The following ZNF606 variants were observed in gnomAD, a reference collection of about 807,000 sequenced individuals.
ZNF606 encodes zinc finger protein 328.
A neutral mutation model predicts 74.9 loss-of-function variants in ZNF606; 37 were observed. The ratio of observed to expected loss-of-function variants is 0.49; its 90% CI spans 0.38 to 0.65. ZNF606 has a LOEUF of 0.65. Ranked by LOEUF, ZNF606 falls within the 30% of genes least tolerant of loss-of-function variation. The pLI, the probability that ZNF606 is intolerant of heterozygous loss-of-function variation, is 0.00. For synonymous variants in ZNF606, 328 were observed against 312.4 expected (o/e 1.05, Z -0.53); for missense variants, 852 against 952.9 (o/e 0.89, Z 1.39).
chr19:57,995,991 G>A (rs903157104), intron 4 of ZNF606, among the ~76,000 whole-genome samples: 2 of 152,210 alleles, frequency 1.3e-5, no homozygotes, highest in Non-Finnish European at 2.9e-5. Context: ...ATTGTTCACT[G>A]ATGGTGATGC....
At chr19:57,992,402 G>A (rs1308033051) in intron 4 of ZNF606, among the ~76,000 whole-genome samples, 2 of 152,144 alleles carry the variant, frequency 1.3e-5, no homozygotes, top group East Asian at 3.9e-4. Context: ...AATCTACTCA[G>A]GCCTCTAGTC....
At chr19:57,995,862 T>C (rs1223105201) in intron 4 of ZNF606, among the ~76,000 whole-genome samples, 2 of 152,206 alleles carry the variant, frequency 1.3e-5, no homozygotes, top group Non-Finnish European at 1.5e-5. Flanking sequence ...TTATCATCTA[T>C]GTATGCATAT....
intron 6 of ZNF606, among the ~76,000 whole-genome samples, 169 bp from the exon 7 acceptor site, chr19:57,980,448 G>A (rs2073067838): frequency 6.6e-6 from 1 of 152,206 alleles, no homozygotes; most frequent in South Asian, 2.1e-4. Context: ...ATAGTGAAAA[G>A]TAAACAACAG....
At position 57,979,772 on chromosome 19, in the gene ZNF606, T is replaced by C. The variant is rs202115721; in HGVS notation, c.908A>G (p.His303Arg). The C allele has an allele frequency of 4.3e-5, 69 of 1,613,488 alleles. No individual in the cohort carries two copies. The highest frequency in any genetic ancestry group is 2.1e-5 in the Non-Finnish European group (25 of 1,179,976). The change falls in exon 7 of 7, where the codon CAT becomes CGT. Residue 303 changes from histidine (H) to arginine (R), a missense_variant. By Grantham distance (29) the His-to-Arg change is conservative. Transcript: ENST00000551380. ...GTGAATTCCTTTATGATCACCAAAA[T>C]GTATTATATGATTGAAAGATTTAAC... ...DAVKSFNHII[H>R]FGDHKGIHTG...
At position 58,000,579 on chromosome 19, in the gene ZNF606, C is replaced by T. The variant is rs561816793; in HGVS notation, c.88+104G>A. The T allele has an allele frequency of 1.1e-5, 14 of 1,254,624 alleles. No individual in the cohort carries two copies. The African/African-American group carries it at 1.9e-4, about 17-fold the overall frequency. The allele number at this position is 1,254,624 out of a possible 1,614,324, so 77.7% of individuals were successfully genotyped here. On this transcript the variant is annotated intron_variant, in intron 3 of 6. Transcript: ENST00000551380. ...ACAGAGACAGATCTGGACCACCTGC[C>T]CTAAAGCCCCACCTGGTCCCCATTC...
At chr19:57,999,755 G>T (rs747447745) in intron 4 of ZNF606, 53 bp downstream of exon 4, 2 of 1,562,264 alleles carry the variant, frequency 1.3e-6, no homozygotes, top group Non-Finnish European at 1.8e-6. Flanking sequence ...CAACTGGGAT[G>T]ACCAGGGATA....
chr19:57,996,867 T>C (rs1017333307), intron 4 of ZNF606, among the ~76,000 whole-genome samples: 2 of 152,246 alleles, frequency 1.3e-5, no homozygotes, highest in African/African-American at 4.8e-5. Flanking sequence ...CACATCACTT[T>C]GTACACACAT....
chr19:58,000,865 A>T (rs2073415885), intron 2 of ZNF606, 126 bp from the exon 3 acceptor site: 2 of 799,644 alleles, frequency 2.5e-6, no homozygotes, highest in Admixed American at 6.5e-5. Context: ...AAGGGTGTGT[A>T]AAAAAAATGC....
At position 57,978,371 on chromosome 19, in the gene ZNF606, C is replaced by T; in HGVS notation, c.2309G>A (p.Gly770Glu). Residue 770 changes from glycine to glutamate, a missense_variant, in exon 7 of 7, where the codon GGA (glycine) becomes GAA (glutamate). Physicochemically the swap from Gly to Glu is moderately conservative, Grantham distance 98. Transcript: ENST00000551380. This position sits in a 1 kb window ranked among gnomAD's most constrained non-coding sequence, Gnocchi z 4.4. Reference protein sequence around the residue: ...GEKRFICSECGKAFSGHSALL... With the variant: ...GEKRFICSECEKAFSGHSALL... Reference sequence around the variant, plus strand: ...GGCTGAGTGACCACTAAAGGCTTTTCCACATTCACTGCATATAAAGCGTTT... The same window carrying T: ...GGCTGAGTGACCACTAAAGGCTTTTTCACATTCACTGCATATAAAGCGTTT... 3 of 1,609,586 alleles carry T rather than the reference C, an allele frequency of 1.9e-6. No individual in the cohort carries two copies. The highest frequency in any genetic ancestry group is 2.6e-6 in the Non-Finnish European group (3 of 1,176,268).
In ZNF606 at chr19:58,002,792, C is replaced by T. The variant is rs937380176; in HGVS notation, c.-448G>A. ...GCAAAGGCCTCACCTCAGCCGCGGA[C>T]AATGGCGGCTGCTTCCCCGGCGTCG... On this transcript the variant is annotated 5_prime_UTR_variant, in exon 1 of 7. Coordinates refer to ENST00000551380, the MANE Select transcript of ZNF606 (RefSeq NM_001348022.3). 1.5e-5 allele frequency: 7 copies of T among 452,312 alleles called. No homozygotes were observed. In the Admixed American group the frequency reaches 1.7e-4, roughly 11 times the overall value. The allele number at this position is 452,312 out of a possible 1,614,324, so 28.0% of individuals were successfully genotyped here.
intron 6 of ZNF606, among the ~76,000 whole-genome samples, chr19:57,982,073 TTAAGG>T (rs2073092621): frequency 6.6e-6 from 1 of 152,206 alleles, no homozygotes; most frequent in Non-Finnish European, 1.5e-5. Context: ...ATTTAGTAAC[TTAAGG>T]TAACACAAAT....
At chr19:57,990,841 T>A (rs143193969) in intron 4 of ZNF606, among the ~76,000 whole-genome samples, 15 of 152,218 alleles carry the variant, frequency 9.9e-5, no homozygotes, top group Admixed American at 4.6e-4. Flanking sequence ...AAAGAACTGC[T>A]TCTGCTCCAA....
chr19:57,981,365 A>G (rs968237554), intron 6 of ZNF606, among the ~76,000 whole-genome samples: 13 of 152,156 alleles, frequency 8.5e-5, no homozygotes, highest in African/African-American at 2.7e-4. Flanking sequence ...TTTGAGTCCT[A>G]TAAGTACTCA....
intron 1 of ZNF606, chr19:58,002,140 C>T: frequency 2.2e-6 from 1 of 456,462 alleles, no homozygotes; most frequent in Non-Finnish European, 4.4e-6. Flanking sequence ...CCATTATTTG[C>T]AACTTGACAG....
At chr19:58,001,066 C>T (rs2073419897) in intron 2 of ZNF606, 1 of 580,468 alleles carries the variant, frequency 1.7e-6, no homozygotes, top group African/African-American at 1.9e-5. Flanking sequence ...AGAAAAATCC[C>T]TTAAAACTAA....
At chr19:57,990,364 C>CA (rs557558121) in intron 4 of ZNF606, among the ~76,000 whole-genome samples, 9,154 of 109,424 alleles carry the variant, frequency 0.084, 382 homozygotes, top group Middle Eastern at 0.14. Context: ...GACTCTGTCT[C>CA]AAAAAAAAAA....
intron 2 of ZNF606, 156 bp downstream of exon 2, chr19:58,001,133 A>G (rs2073420953): frequency 1.2e-6 from 1 of 825,376 alleles, no homozygotes; most frequent in South Asian, 1.8e-5. Context: ...TTATGCCAAC[A>G]ATTTTCCTCC....
chr19:57,998,408 T>C (rs572207934), intron 4 of ZNF606: 6 of 152,206 alleles, frequency 3.9e-5, no homozygotes, highest in Non-Finnish European at 5.9e-5. Flanking sequence ...AATGCTACAA[T>C]ATGGGTAACT....
At position 58,002,656 on chromosome 19, in the gene ZNF606, G is replaced by A. The variant is rs1252400418; in HGVS notation, c.-312C>T. On this transcript the variant is annotated 5_prime_UTR_variant, in exon 1 of 7. Transcript: ENST00000551380. ...GGCTGGAGAACCGACGGCAACGACG[G>A]CGCAAAGCCGGCGCGGAAAGGGCAG... The A allele has an allele frequency of 6.6e-6, 3 of 453,878 alleles. No individual in the cohort carries two copies. Among genetic ancestry groups the A allele is most frequent in the South Asian group, 4.7e-5 (3 of 64,428 alleles). The allele number at this position is 453,878 out of a possible 1,614,324, so 28.1% of individuals were successfully genotyped here. A position where few individuals can be genotyped will look rare whatever the true frequency, so the allele number is the denominator to read the frequency against.
Sources: gnomAD v4.1 joint callset for allele counts (sites outside exome capture counted in the v4.1 genomes callset) on GRCh38, gnomAD v4.1.1 for gene constraint, Gnocchi (gnomAD v3.1) non-coding constraint, MANE v1.5 for transcripts, NCBI Gene and HGNC (gene_info 2026-07-23, HGNC 2026-07-21) for gene names.